IGSF21: variants seen among roughly 807,000 people sequenced by gnomAD.
The protein encoded by IGSF21 is immunoglobulin superfamily member 21.
A neutral mutation model predicts 46.8 loss-of-function variants in IGSF21; 28 were observed. That is an observed-to-expected ratio of 0.60 (90% CI 0.44 to 0.82). The LOEUF (loss-of-function observed/expected upper bound fraction) is 0.82. Ranked by LOEUF, IGSF21 falls within the 40% of genes least tolerant of loss-of-function variation. IGSF21 has a pLI of 0.00. For missense variants in IGSF21, 624 were observed against 665.5 expected, an observed-to-expected ratio of 0.94 and a Z score of 0.69; for synonymous variants, 284 against 273.6, an observed-to-expected ratio of 1.04 and a Z score of -0.38.
chr1:18,283,276 C>T (rs1557623963), intron 2 of IGSF21, among the ~76,000 whole-genome samples: 1 of 152,224 alleles, frequency 6.6e-6, no homozygotes, highest in Admixed American at 6.5e-5. Flanking sequence ...AGCCAATTAC[C>T]TTGAGCCCAG....
At position 18,314,986 on chromosome 1, in the gene IGSF21, T is replaced by C. The variant is rs1299096422; in HGVS notation, c.306-19906T>C. ...AGGGGTTTGGGAAGTTCATCAGAGA[T>C]CATGATTGGTGCATGAGTTGGGGTT... On this transcript the variant is annotated intron_variant, in intron 3 of 9. Coordinates refer to ENST00000251296, the MANE Select transcript of IGSF21 (RefSeq NM_032880.5). Among the ~76,000 whole-genome samples the C allele has an allele frequency of 2.0e-5, 3 of 151,872 alleles. No homozygotes were observed. The East Asian group carries it at 5.8e-4, about 29-fold the overall frequency.
At chr1:18,165,062 ACTC>A (rs2086665861) in intron 1 of IGSF21, among the ~76,000 whole-genome samples, 1 of 151,454 alleles carries the variant, frequency 6.6e-6, no homozygotes, top group South Asian at 2.1e-4. Flanking sequence ...AAGGATATGA[ACTC>A]ATCATTTTTT....
intron 3 of IGSF21, among the ~76,000 whole-genome samples, chr1:18,299,133 A>C (rs1288845440): frequency 1.3e-5 from 2 of 152,210 alleles, no homozygotes; most frequent in African/African-American, 4.8e-5. Context: ...TTTTAGACAA[A>C]GAGGAGCTGG....
chr1:18,273,399 CCTTTCCTT>C, intron 2 of IGSF21, among the ~76,000 whole-genome samples: 2 of 147,220 alleles, frequency 1.4e-5, no homozygotes, highest in South Asian at 4.3e-4. Flanking sequence ...CCTTTCCTTT[CCTTTCCTT>C]TCCTTTCTTT....
In IGSF21 at chr1:18,337,622, A is replaced by G. The variant is rs151261356; in HGVS notation, c.424+2612A>G. Among the ~76,000 whole-genome samples, 2,185 of 141,616 alleles carry G rather than the reference A, an allele frequency of 0.015. 26 individuals are homozygous for G. Among genetic ancestry groups the G allele is most frequent in the Middle Eastern group, 0.03 (8 of 270 alleles). The allele number at this position is 141,616 out of a possible 152,430, so 92.9% of individuals were successfully genotyped here. On this transcript the variant is annotated intron_variant, in intron 4 of 9. Transcript: ENST00000251296. The surrounding 1 kb of genome is among the most constrained non-coding windows in gnomAD (Gnocchi z 5.7). Reference sequence around the variant, plus strand: ...GCCAGGGTGTGTCTCTGGGAGTGGCAGAGACAGGGGTCTCTCCTTACTCAC... The same window carrying G: ...GCCAGGGTGTGTCTCTGGGAGTGGCGGAGACAGGGGTCTCTCCTTACTCAC...
intron 1 of IGSF21, among the ~76,000 whole-genome samples, chr1:18,186,868 C>T (rs549179081): frequency 9.2e-5 from 14 of 152,202 alleles, no homozygotes; most frequent in Admixed American, 4.6e-4. Context: ...TTCAGGTTCC[C>T]GTTGCCTTGC....
chr1:18,181,777 G>A (rs1007532907), intron 1 of IGSF21, among the ~76,000 whole-genome samples: 4 of 152,098 alleles, frequency 2.6e-5, no homozygotes, highest in Admixed American at 6.5e-5. Flanking sequence ...CCAAAGCCAG[G>A]GTCCCTTGGC....
At chr1:18,305,546 T>TGGATGGATG (rs1553162252) in intron 3 of IGSF21, among the ~76,000 whole-genome samples, 1 of 123,784 alleles carries the variant, frequency 8.1e-6, no homozygotes, top group Non-Finnish European at 1.7e-5. Flanking sequence ...GATGGATGGA[T>TGGATGGATG]GATGGATGGA....
intron 4 of IGSF21, among the ~76,000 whole-genome samples, chr1:18,347,191 T>C (rs2085903119): frequency 6.6e-6 from 1 of 151,222 alleles, no homozygotes; most frequent in South Asian, 2.1e-4. Flanking sequence ...AACACAGTTC[T>C]GCAAAGAAGT....
At position 18,143,774 on chromosome 1, in the gene IGSF21, G is replaced by T. The variant is rs144564524; in HGVS notation, c.70+35576G>T. On this transcript the variant is annotated intron_variant, in intron 1 of 9. Coordinates refer to ENST00000251296, the MANE Select transcript of IGSF21 (RefSeq NM_032880.5). ...TTCCCTTCTATGTCTCTGTTAAAGG[G>T]TTCTAAAGTCCCTTCTCTGGGCGAG... Among the ~76,000 whole-genome samples, 393 of 152,294 alleles carry T rather than the reference G, an allele frequency of 2.6e-3. 3 individuals carry two copies. Among genetic ancestry groups the T allele is most frequent in the African/African-American group, 8.6e-3 (359 of 41,572 alleles).
intron 1 of IGSF21, among the ~76,000 whole-genome samples, chr1:18,170,206 G>A (rs547524330): frequency 6.6e-5 from 10 of 152,274 alleles, no homozygotes; most frequent in Middle Eastern, 3.4e-3. Flanking sequence ...CAGGATTAAA[G>A]GATGCCAGTG....
chr1:18,259,350 G>A (rs2084919572), intron 2 of IGSF21, among the ~76,000 whole-genome samples: 1 of 152,190 alleles, frequency 6.6e-6, no homozygotes, highest in African/African-American at 2.4e-5. Flanking sequence ...TAGAAAGAAA[G>A]CCACCATGAA....
chr1:18,278,504 G>A (rs907172213), intron 2 of IGSF21, among the ~76,000 whole-genome samples: 10 of 151,254 alleles, frequency 6.6e-5, no homozygotes, highest in Admixed American at 6.6e-4. Flanking sequence ...GCCTCCCAAA[G>A]TGCTGGGATT....
chr1:18,261,651 C>G (rs1419626386), intron 2 of IGSF21, among the ~76,000 whole-genome samples: 1 of 152,200 alleles, frequency 6.6e-6, no homozygotes, highest in African/African-American at 2.4e-5. Context: ...CCTGTGAGGT[C>G]TTAGGTCTTG....
chr1:18,202,257 C>A (rs1304673806), intron 1 of IGSF21, among the ~76,000 whole-genome samples: 2 of 152,236 alleles, frequency 1.3e-5, no homozygotes, highest in African/African-American at 4.8e-5. Flanking sequence ...GCAATGCAAT[C>A]TCACATTCTC....
intron 1 of IGSF21, among the ~76,000 whole-genome samples, chr1:18,185,614 A>G (rs1274814477): frequency 6.6e-6 from 1 of 152,164 alleles, no homozygotes; most frequent in Non-Finnish European, 1.5e-5. Flanking sequence ...CTGGTGTTAA[A>G]GATAGATTTT....
chr1:18,137,064 G>T (rs2086373623), intron 1 of IGSF21, among the ~76,000 whole-genome samples: 1 of 152,074 alleles, frequency 6.6e-6, no homozygotes, highest in Admixed American at 6.6e-5. Context: ...ATTGGCTCGT[G>T]GTTCTGCGGG....
chr1:18,213,883 C>T (rs949510249), intron 1 of IGSF21, among the ~76,000 whole-genome samples: 4 of 152,172 alleles, frequency 2.6e-5, no homozygotes, highest in Admixed American at 2.6e-4. Flanking sequence ...TCATCACCTT[C>T]CCTGCCCAAC....
At chr1:18,257,020 G>T (rs1040837815) in intron 2 of IGSF21, among the ~76,000 whole-genome samples, 14 of 152,110 alleles carry the variant, frequency 9.2e-5, no homozygotes, top group Non-Finnish European at 1.3e-4. Flanking sequence ...AGCCCTCTTG[G>T]TAATATTGGA....
Sources: allele counts gnomAD v4.1 joint callset (sites outside exome capture counted in the v4.1 genomes callset), GRCh38; gene constraint gnomAD v4.1.1; non-coding constraint Gnocchi (gnomAD v3.1); transcripts MANE v1.5; gene names NCBI Gene and HGNC (gene_info 2026-07-23, HGNC 2026-07-21).